The following SHISA9 variants were observed in gnomAD, a reference collection of about 807,000 sequenced individuals.
SHISA9 encodes the protein shisa family member 9.
In SHISA9, 13 loss-of-function variants were observed where a neutral mutation model predicts 38.0. That is an observed-to-expected ratio of 0.34 (90% CI 0.22 to 0.54). The LOEUF is 0.54. SHISA9 is among the 20% of genes least tolerant of loss of function. The pLI is 0.91. For missense variants in SHISA9, 538 were observed against 575.8 expected, an observed-to-expected ratio of 0.93 and a Z score of 0.67; for synonymous variants, 275 against 242.0, an observed-to-expected ratio of 1.14 and a Z score of -1.27.
chr16:13,122,003 A>G (rs899508547), intron 2 of SHISA9, among the ~76,000 whole-genome samples: 2 of 152,092 alleles, frequency 1.3e-5, no homozygotes, highest in African/African-American at 4.8e-5. Context: ...CACATAAACT[A>G]CTTACCACAG....
intron 2 of SHISA9, among the ~76,000 whole-genome samples, chr16:13,128,864 G>A (rs2050283515): frequency 6.6e-6 from 1 of 152,178 alleles, no homozygotes; most frequent in African/African-American, 2.4e-5. Context: ...GATGGCACAG[G>A]AACTTGGCGC....
intron 2 of SHISA9, among the ~76,000 whole-genome samples, chr16:13,147,171 C>T (rs1329010907): frequency 6.6e-6 from 1 of 152,092 alleles, no homozygotes; most frequent in African/African-American, 2.4e-5. Context: ...AATGGGTGAG[C>T]CTAGAAGATA....
the SHISA9 span, among the ~76,000 whole-genome samples, chr16:13,299,421 A>C: frequency 6.6e-6 from 1 of 152,154 alleles, no homozygotes; most frequent in African/African-American, 2.4e-5. Flanking sequence ...CAGGCAGCAG[A>C]AGAGTTCAGA....
At chr16:13,535,346 C>T in the SHISA9 span, among the ~76,000 whole-genome samples, 2 of 152,108 alleles carry the variant, frequency 1.3e-5, no homozygotes, top group Non-Finnish European at 2.9e-5. Flanking sequence ...TTTCTTAGGT[C>T]AAAAAATAGA....
the SHISA9 span, among the ~76,000 whole-genome samples, chr16:13,531,644 G>A: frequency 8.5e-5 from 13 of 152,238 alleles, no homozygotes; most frequent in African/African-American, 2.6e-4. Flanking sequence ...AAATTAGCAG[G>A]GTCCCTGAGG....
At chr16:13,537,356 A>T in the SHISA9 span, among the ~76,000 whole-genome samples, 1 of 149,440 alleles carries the variant, frequency 6.7e-6, no homozygotes, top group African/African-American at 2.5e-5. Context: ...TAAACTTGGG[A>T]GGTGGAGGTT....
chr16:13,008,404 C>T (rs2072624888), intron 2 of SHISA9, among the ~76,000 whole-genome samples: 1 of 152,186 alleles, frequency 6.6e-6, no homozygotes, highest in Non-Finnish European at 1.5e-5. Flanking sequence ...GGGAACCCAA[C>T]TAAGATAGTG....
the SHISA9 span, among the ~76,000 whole-genome samples, chr16:13,352,946 C>G: frequency 6.6e-6 from 1 of 152,276 alleles, no homozygotes; most frequent in South Asian, 2.1e-4. Flanking sequence ...GGCATATTCA[C>G]TTCTTTTGTG....
the SHISA9 span, among the ~76,000 whole-genome samples, chr16:13,249,942 C>T: frequency 6.6e-6 from 1 of 152,114 alleles, no homozygotes; most frequent in African/African-American, 2.4e-5. Context: ...CTATGTTGCC[C>T]AGACTGGTCT....
chr16:13,019,825 T>TCC (rs2072808404), intron 2 of SHISA9, among the ~76,000 whole-genome samples: 4 of 133,504 alleles, frequency 3.0e-5, no homozygotes, highest in East Asian at 2.2e-4. Flanking sequence ...TCTTTCTTTC[T>TCC]TTCTTTCTTT....
the SHISA9 span, among the ~76,000 whole-genome samples, chr16:13,276,271 TCC>T: frequency 1.3e-5 from 2 of 151,658 alleles, no homozygotes; most frequent in Admixed American, 6.6e-5. Flanking sequence ...TGCATAGTAT[TCC>T]ATCATATATA....
intron 2 of SHISA9, among the ~76,000 whole-genome samples, chr16:12,945,776 G>T (rs181525842): frequency 1.3e-5 from 2 of 152,290 alleles, no homozygotes; most frequent in East Asian, 3.9e-4. Flanking sequence ...ATTAAATGTG[G>T]TATATACATA....
intron 2 of SHISA9, among the ~76,000 whole-genome samples, chr16:12,924,339 T>C (rs565957115): frequency 1.6e-4 from 24 of 152,300 alleles, no homozygotes; most frequent in Non-Finnish European, 2.9e-4. Context: ...TAAATAGTTA[T>C]TGAATGAATG....
intron 2 of SHISA9, chr16:13,082,445 A>ACAGCTGCAG (rs1475481983): frequency 1.3e-5 from 2 of 151,952 alleles, no homozygotes; most frequent in Non-Finnish European, 2.9e-5. Flanking sequence ...TGGTCTGAAA[A>ACAGCTGCAG]CAGCTGCAGC....
At chr16:13,070,388 G>A (rs1243300296) in intron 2 of SHISA9, among the ~76,000 whole-genome samples, 2 of 152,162 alleles carry the variant, frequency 1.3e-5, no homozygotes, top group Admixed American at 6.5e-5. Context: ...ACCGCAGGGC[G>A]AGCACATGCG....
the SHISA9 span, among the ~76,000 whole-genome samples, chr16:13,506,858 G>A: frequency 1.3e-5 from 2 of 151,990 alleles, no homozygotes; most frequent in African/African-American, 4.8e-5. Context: ...AACAGAGCAA[G>A]ACCCCATCTC....
At chr16:13,095,593 C>T (rs1359655435) in intron 2 of SHISA9, among the ~76,000 whole-genome samples, 1 of 152,218 alleles carries the variant, frequency 6.6e-6, no homozygotes, top group Non-Finnish European at 1.5e-5. Context: ...GGACTACAGT[C>T]CAGACCATCT....
At chr16:13,457,221 G>A in the SHISA9 span, among the ~76,000 whole-genome samples, 4 of 152,196 alleles carry the variant, frequency 2.6e-5, no homozygotes, top group Non-Finnish European at 4.4e-5. Flanking sequence ...CAGGAAAGTC[G>A]TTTGAACCCG....
Position 13,226,523 on chromosome 16 carries a change from G to A in SHISA9, c.896-8507G>A, listed in dbSNP as rs138437591. Among the ~76,000 whole-genome samples, 184 of 152,244 alleles carry A rather than the reference G, an allele frequency of 1.2e-3. 1 individual carries two copies. Among genetic ancestry groups the A allele is most frequent in the Middle Eastern group, 3.4e-3 (1 of 294 alleles). On this transcript the variant is annotated intron_variant, in intron 4 of 4. Coordinates refer to ENST00000558583, the MANE Select transcript of SHISA9 (RefSeq NM_001145204.3). ...TCCTTTCAGGTTCTTGAAGCTACTC[G>A]GCTCCTTCTCACCTCAAAGCTTTTG...
Sources: allele counts gnomAD v4.1 joint callset (sites outside exome capture counted in the v4.1 genomes callset), GRCh38; gene constraint gnomAD v4.1.1; transcripts MANE v1.5; gene names NCBI Gene and HGNC (gene_info 2026-07-23, HGNC 2026-07-21).